Variants in KDM8 observed in about 807,000 individuals in gnomAD.
The protein encoded by KDM8 is bifunctional peptidase and arginyl-hydroxylase JMJD5.
KDM8 carries 35 observed loss-of-function variants against 46.9 expected under a neutral mutation model. The ratio of observed to expected loss-of-function variants is 0.75; its 90% confidence interval spans 0.57 to 0.99. KDM8 has a LOEUF of 0.99. KDM8 is among the 50% of genes least tolerant of loss of function. KDM8 has a pLI of 0.00. For missense variants in KDM8, 475 were observed against 537.0 expected (o/e 0.88, Z 1.14); for synonymous variants, 232 against 227.7 (o/e 1.02, Z -0.17).
intron 2 of KDM8, 138 bp downstream of exon 2, chr16:27,210,759 T>C: frequency 1.1e-6 from 1 of 877,068 alleles, no homozygotes; most frequent in Non-Finnish European, 1.6e-6. Context: ...TGCCATTGAT[T>C]TTGGATTTCT....
Position 27,210,408 on chromosome 16 carries a change from C to T in KDM8, c.285C>T (p.Tyr95=), listed in dbSNP as rs768547827. ...TAGACAAAGACTGGCGCCGGGTCTA[C>T]GCCATCGGCTGCCTCCTGAAAGCCC... ...QDVDKDWRRV[Y]AIGCLLKALC... Residue 95 remains tyrosine, a synonymous_variant, in exon 2 of 8, where the codon TAC becomes TAT. Transcript: ENST00000286096. The T allele has an allele frequency of 2.1e-5, 33 of 1,609,022 alleles. No individual in the cohort carries two copies. The highest frequency in any genetic ancestry group is 1.6e-4 in the Middle Eastern group (1 of 6,070).
chr16:27,215,203 T>C (rs2083537259), intron 4 of KDM8, among the ~76,000 whole-genome samples, 195 bp downstream of exon 4: 1 of 152,138 alleles, frequency 6.6e-6, no homozygotes, highest in Non-Finnish European at 1.5e-5. Context: ...TCAGGTCCTT[T>C]TTAATGGGCA....
chr16:27,216,368 A>T (rs934546274), intron 5 of KDM8, among the ~76,000 whole-genome samples: 3 of 152,014 alleles, frequency 2.0e-5, no homozygotes, highest in African/African-American at 7.2e-5. Flanking sequence ...AGATCGGGGA[A>T]GATGCCCAGA....
chr16:27,204,122 A>G (rs1198645884), intron 1 of KDM8: 1 of 1,544,976 alleles, frequency 6.5e-7, no homozygotes, highest in Non-Finnish European at 8.7e-7. Context: ...GCCCCGGGGA[A>G]GGCGCTGAGG....
At chr16:27,219,517 C>T (rs190385764) in intron 6 of KDM8, among the ~76,000 whole-genome samples, 2 of 152,300 alleles carry the variant, frequency 1.3e-5, no homozygotes, top group Non-Finnish European at 2.9e-5. Context: ...GTCAGAGGAG[C>T]AGATGGATTT....
rs1567265044 is a variant in KDM8 at position 27,214,969 on chromosome 16, G to GA, written c.760dup (p.Thr254AsnfsTer13). ...ATGAGGAATGGTCCCAGACCCTCAT[G>GA]ACGGTCAACGAGTTCATCAGCAAAT... On this transcript the variant is annotated frameshift_variant, in exon 4 of 8. Transcript: ENST00000286096. LOFTEE classifies it high-confidence loss of function. 1 of 1,614,208 alleles carries GA rather than the reference G, an allele frequency of 6.2e-7. No individual in the cohort carries two copies. Among genetic ancestry groups the GA allele is most frequent in the South Asian group, 1.1e-5 (1 of 91,086 alleles).
chr16:27,213,459 C>A, intron 2 of KDM8, 126 bp from the exon 3 acceptor site: 1 of 887,942 alleles, frequency 1.1e-6, no homozygotes, highest in Non-Finnish European at 1.8e-6. Flanking sequence ...CAAACGTTGT[C>A]TATTGTTGTT....
chr16:27,213,933 C>A, intron 3 of KDM8, 182 bp downstream of exon 3: 1 of 623,302 alleles, frequency 1.6e-6, no homozygotes, highest in Non-Finnish European at 2.7e-6. Context: ...ATTTATGCCG[C>A]AGGTTATGGG....
At chr16:27,209,979 C>T in intron 1 of KDM8, 114 bp from the exon 2 acceptor site, 1 of 1,139,726 alleles carries the variant, frequency 8.8e-7, no homozygotes. Context: ...TTCTGCCCAA[C>T]AGAGAAGACT....
chr16:27,213,923 A>C lies in KDM8; in HGVS notation c.665+172A>C, dbSNP rs1240855540. 10 of 653,250 alleles carry C rather than the reference A, an allele frequency of 1.5e-5. No individual in the cohort carries two copies. The Admixed American group carries it at 3.3e-4, about 21-fold the overall frequency. The allele number at this position is 653,250 out of a possible 1,614,324, so 40.5% of individuals were successfully genotyped here. A position where few individuals can be genotyped will look rare whatever the true frequency, so the allele number is the denominator to read the frequency against. On this transcript the variant is annotated intron_variant, in intron 3 of 7. Coordinates refer to ENST00000286096, the MANE Select transcript of KDM8 (RefSeq NM_024773.3). Reference sequence around the variant, plus strand: ...AAGAGTGAAAAGTAAGGTGCTCTGAATTTATGCCGCAGGTTATGGGATTCT... The same window carrying C: ...AAGAGTGAAAAGTAAGGTGCTCTGACTTTATGCCGCAGGTTATGGGATTCT...
At chr16:27,203,799 C>G (rs2083398674) in intron 1 of KDM8, 163 bp downstream of exon 1, 1 of 374,112 alleles carries the variant, frequency 2.7e-6, no homozygotes, top group Admixed American at 4.6e-5. Context: ...GCCGCATGCG[C>G]TCTGAGAATG....
At chr16:27,205,653 C>G (rs2083420818) in intron 1 of KDM8, among the ~76,000 whole-genome samples, 1 of 152,138 alleles carries the variant, frequency 6.6e-6, no homozygotes, top group Admixed American at 6.6e-5. Context: ...GCCTGGGCAA[C>G]AGAGTGAAAC....
At chr16:27,220,228 TAAAA>T in intron 6 of KDM8, 161 bp from the exon 7 acceptor site, 1 of 680,828 alleles carries the variant, frequency 1.5e-6, no homozygotes, top group East Asian at 2.5e-5. Context: ...CTCTAAAAAA[TAAAA>T]AAGAAAGAAA....
intron 6 of KDM8, 109 bp from the exon 7 acceptor site, chr16:27,220,284 G>A (rs2083603384): frequency 1.3e-5 from 11 of 856,572 alleles, no homozygotes; most frequent in Non-Finnish European, 2.2e-5. Context: ...GGTGGGGAAG[G>A]GCAGGCTGGG....
At chr16:27,210,776 T>G (rs1031589972) in intron 2 of KDM8, among the ~76,000 whole-genome samples, 155 bp downstream of exon 2, 2 of 152,184 alleles carry the variant, frequency 1.3e-5, no homozygotes, top group Non-Finnish European at 2.9e-5. Flanking sequence ...TTCTGTTTGT[T>G]TTTGGAAGCA....
Position 27,210,558 on chromosome 16 carries a change from C to G in KDM8, c.435C>G (p.Leu145=). Residue 145 remains leucine, a synonymous_variant, in exon 2 of 8, where the codon CTC becomes CTG. Transcript: ENST00000286096. ...TCCTTCTTAAAGTCGCTGCCATCCTCCAGACACACCTCCCTGGAAAGAGGC... is the reference window on the plus strand; with the variant it reads ...TCCTTCTTAAAGTCGCTGCCATCCTGCAGACACACCTCCCTGGAAAGAGGC... The part of the protein sequence containing the change: ...GDILLKVAAI[L]QTHLPGKRPA... 1 of 1,527,426 alleles carries G rather than the reference C, an allele frequency of 6.5e-7. No homozygotes were observed. The highest frequency in any genetic ancestry group is 8.8e-7 in the Non-Finnish European group (1 of 1,137,030). The allele number at this position is 1,527,426 out of a possible 1,614,324, so 94.6% of individuals were successfully genotyped here. A position where few individuals can be genotyped will look rare whatever the true frequency, so the allele number is the denominator to read the frequency against.
At position 27,220,999 on chromosome 16, in the gene KDM8, T is replaced by A; in HGVS notation, c.*269T>A. ...GGACATTGCAGACAGACAGCCTGCA[T>A]GGGGACTCTGGCATCAGAAAGCCGA... On this transcript the variant is annotated 3_prime_UTR_variant, in exon 8 of 8. Transcript: ENST00000286096. The A allele has an allele frequency of 1.9e-6, 1 of 513,560 alleles. No homozygotes were observed. The highest frequency in any genetic ancestry group is 3.6e-6 in the Non-Finnish European group (1 of 281,432). The allele number at this position is 513,560 out of a possible 1,614,324, so 31.8% of individuals were successfully genotyped here.
At chr16:27,209,349 CCT>C (rs2083457979) in intron 1 of KDM8, among the ~76,000 whole-genome samples, 1 of 152,230 alleles carries the variant, frequency 6.6e-6, no homozygotes, top group Non-Finnish European at 1.5e-5. Flanking sequence ...CCTTTAATCT[CCT>C]GAGTAGCTGG....
intron 1 of KDM8, chr16:27,204,372 C>T (rs1596640607): frequency 1.5e-6 from 2 of 1,321,054 alleles, no homozygotes; most frequent in South Asian, 2.0e-5. Flanking sequence ...AAACACAAGA[C>T]TGTGTGCCCC....
Sources: allele counts gnomAD v4.1 joint callset (sites outside exome capture counted in the v4.1 genomes callset), GRCh38; gene constraint gnomAD v4.1.1; transcripts MANE v1.5; gene names NCBI Gene and HGNC (gene_info 2026-07-23, HGNC 2026-07-21).